XYLB: variants seen among roughly 807,000 people sequenced by gnomAD.
XYLB encodes xylulose kinase.
Under a neutral mutation model 78.7 loss-of-function variants are expected in XYLB, and 62 were observed. The ratio of observed to expected loss-of-function variants is 0.79; its 90% confidence interval spans 0.64 to 0.97. The LOEUF (loss-of-function observed/expected upper bound fraction) is 0.97. Ranked by LOEUF, XYLB falls within the 50% of genes least tolerant of loss-of-function variation. The pLI is 0.00. For missense variants in XYLB, 687 were observed against 676.8 expected (o/e 1.02, Z -0.17); for synonymous variants, 245 against 247.4 (o/e 0.99, Z 0.09).
chr3:38,398,285 T>G (rs1707972899), intron 17 of XYLB, among the ~76,000 whole-genome samples: 1 of 150,952 alleles, frequency 6.6e-6, no homozygotes, highest in Admixed American at 6.6e-5. Context: ...CTGGACAATA[T>G]GGTGAAACCC....
intron 17 of XYLB, among the ~76,000 whole-genome samples, chr3:38,398,969 T>A (rs1342895053): frequency 1.3e-5 from 2 of 151,192 alleles, no homozygotes; most frequent in African/African-American, 4.9e-5. Context: ...GAGGCGGAGG[T>A]TGCAGTGAGC....
At chr3:38,407,685 G>A (rs1575540101) in intron 18 of XYLB, among the ~76,000 whole-genome samples, 1 of 152,214 alleles carries the variant, frequency 6.6e-6, no homozygotes, top group Admixed American at 6.5e-5. Flanking sequence ...AAGGATGGAG[G>A]AAGATCTACC....
chr3:38,367,162 T>G (rs1483884011), intron 7 of XYLB, among the ~76,000 whole-genome samples: 1 of 152,138 alleles, frequency 6.6e-6, no homozygotes, highest in Non-Finnish European at 1.5e-5. Flanking sequence ...GAATGGAAGA[T>G]CTGAGTGTCT....
chr3:38,445,964 T>C, the XYLB span, among the ~76,000 whole-genome samples: 5 of 152,322 alleles, frequency 3.3e-5, no homozygotes, highest in South Asian at 1.0e-3. Context: ...TGGTGGATTC[T>C]TGGTCTTGCT....
intron 3 of XYLB, 51 bp downstream of exon 3, chr3:38,360,459 C>A (rs1284918662): frequency 6.7e-7 from 1 of 1,483,204 alleles, no homozygotes; most frequent in Non-Finnish European, 9.1e-7. Context: ...GTCTCACTGG[C>A]AGACTCGGTG....
intron 10 of XYLB, 57 bp from the exon 11 acceptor site, chr3:38,374,405 T>A: frequency 6.2e-7 from 1 of 1,613,528 alleles, no homozygotes; most frequent in Admixed American, 1.7e-5. Flanking sequence ...CCCTGTGGTT[T>A]GCTTTGTGGT....
the XYLB span, among the ~76,000 whole-genome samples, chr3:38,426,463 A>T: frequency 1.3e-5 from 2 of 152,254 alleles, no homozygotes; most frequent in South Asian, 4.1e-4. Context: ...CAAATATTTC[A>T]ATCTTCTCTG....
intron 6 of XYLB, 29 bp downstream of exon 6, chr3:38,365,765 G>T (rs1254589131): frequency 6.3e-7 from 1 of 1,595,830 alleles, no homozygotes; most frequent in Admixed American, 1.7e-5. Flanking sequence ...GGGTGCAGGG[G>T]GTGGTCTGGT....
At position 38,374,637 on chromosome 3, in the gene XYLB, T is replaced by A. The variant is rs368971886; in HGVS notation, c.888+135T>A. ...TGGGTCCCAGCAGGATCTCTGCTAC[T>A]TATCAGAGTGTCTGCCGGTTCCAAA... On this transcript the variant is annotated intron_variant, in intron 11 of 18. Coordinates refer to ENST00000207870, the MANE Select transcript of XYLB (RefSeq NM_005108.4). The A allele has an allele frequency of 2.0e-5, 21 of 1,050,546 alleles. 1 individual carries two copies. The highest frequency in any genetic ancestry group is 7.7e-5 in the East Asian group (3 of 38,974). The allele number at this position is 1,050,546 out of a possible 1,614,324, so 65.1% of individuals were successfully genotyped here. A position where few individuals can be genotyped will look rare whatever the true frequency, so the allele number is the denominator to read the frequency against.
chr3:38,395,547 A>G lies in XYLB; in HGVS notation c.1334A>G (p.Asn445Ser), dbSNP rs1433382000. Residue 445 changes from asparagine to serine, a missense_variant, in exon 16 of 19, where the codon AAT (asparagine) becomes AGT (serine). Physicochemically the swap from Asn to Ser is conservative, Grantham distance 46. Transcript: ENST00000207870. ...TTGGCCACAGGAGGAGCATCTCACAATAGAGAAATCTTACAGGTAAGCGTT... is the reference window on the plus strand; with the variant it reads ...TTGGCCACAGGAGGAGCATCTCACAGTAGAGAAATCTTACAGGTAAGCGTT... ...KILATGGASHNREILQVLADV... is the reference protein window; with the variant it reads ...KILATGGASHSREILQVLADV... The G allele has an allele frequency of 2.5e-6, 4 of 1,614,200 alleles. No individual in the cohort carries two copies. Among genetic ancestry groups the G allele is most frequent in the South Asian group, 2.2e-5 (2 of 91,088 alleles).
rs530126955 is a variant in XYLB at position 38,348,838 on chromosome 3, T to C, written c.140+206T>C. Among the ~76,000 whole-genome samples the C allele has an allele frequency of 2.6e-5, 4 of 152,350 alleles. No individual in the cohort carries two copies. In the East Asian group the frequency reaches 5.8e-4, roughly 22 times the overall value. Reference sequence around the variant, plus strand: ...TAATTCCATTCATCCATTCATGAAGTAAGCATCAGTTGAGACCTACTTTGT... The same window carrying C: ...TAATTCCATTCATCCATTCATGAAGCAAGCATCAGTTGAGACCTACTTTGT... On this transcript the variant is annotated intron_variant, in intron 2 of 18. Coordinates refer to ENST00000207870, the MANE Select transcript of XYLB (RefSeq NM_005108.4).
chr3:38,445,750 C>A, the XYLB span, among the ~76,000 whole-genome samples: 1 of 152,180 alleles, frequency 6.6e-6, no homozygotes, highest in East Asian at 1.9e-4. Flanking sequence ...GTTAGAGAGC[C>A]CTTTCCCAGA....
the XYLB span, among the ~76,000 whole-genome samples, chr3:38,429,197 T>C: frequency 8.5e-5 from 13 of 152,162 alleles, no homozygotes; most frequent in African/African-American, 3.1e-4. Context: ...AAGGCTATTA[T>C]TGGACTAGCA....
Position 38,376,111 on chromosome 3 carries a change from C to T in XYLB, c.1005-6C>T. On this transcript the variant is annotated splice_polypyrimidine_tract_variant and splice_region_variant and intron_variant, in intron 12 of 18. Coordinates refer to ENST00000207870, the MANE Select transcript of XYLB (RefSeq NM_005108.4). ...CCCTCCCTCAGAGCTATGCCCTCTT[C>T]TGCAGCTTTAAAAATGGCTCCCTCA... 1 of 1,599,274 alleles carries T rather than the reference C, an allele frequency of 6.3e-7. No homozygotes were observed. The highest frequency in any genetic ancestry group is 1.3e-5 in the African/African-American group (1 of 74,656).
chr3:38,378,285 C>T (rs1471805505), intron 14 of XYLB, among the ~76,000 whole-genome samples: 1 of 152,256 alleles, frequency 6.6e-6, no homozygotes, highest in African/African-American at 2.4e-5. Flanking sequence ...TAGTGTTCTT[C>T]ATTCATTCAT....
chr3:38,368,820 A>G (rs1706393748), intron 8 of XYLB, among the ~76,000 whole-genome samples: 1 of 143,292 alleles, frequency 7.0e-6, no homozygotes, highest in Non-Finnish European at 1.5e-5. Flanking sequence ...AGAACCTCAC[A>G]AGGGGTGAAC....
chr3:38,347,752 A>G (rs1705149392), intron 1 of XYLB, among the ~76,000 whole-genome samples: 1 of 152,122 alleles, frequency 6.6e-6, no homozygotes, highest in Admixed American at 6.5e-5. Context: ...CGTTGACACC[A>G]GCTTGCCTGG....
rs116150323 is a variant in XYLB, at chr3:38,348,557, T to G, written c.65T>G (p.Val22Gly). The G allele has an allele frequency of 4.0e-3, 6,436 of 1,614,042 alleles. 26 individuals are homozygous for G. The highest frequency in any genetic ancestry group is 4.9e-3 in the Non-Finnish European group (5,811 of 1,179,974). The change falls in exon 2 of 19, where the codon GTT becomes GGT. Residue 22 changes from valine to glycine, a missense_variant. Coordinates refer to ENST00000207870, the MANE Select transcript of XYLB (RefSeq NM_005108.4). ...GWDFSTQQVK[V>G]VAVDAELNVF... The stretch of plus-strand genomic sequence containing the variant: ...TTTTAAAATGCCTTTCAGGTAAAGG[T>G]TGTTGCTGTTGATGCAGAGTTGAAT...
chr3:38,422,615 C>T (rs769985173), downstream of XYLB, among the ~76,000 whole-genome samples: 39 of 152,042 alleles, frequency 2.6e-4, no homozygotes, highest in Non-Finnish European at 4.3e-4. Flanking sequence ...TTATATTTTG[C>T]ATTGTGAAGG....
Sources: gnomAD v4.1 joint callset for allele counts (sites outside exome capture counted in the v4.1 genomes callset) on GRCh38, gnomAD v4.1.1 for gene constraint, MANE v1.5 for transcripts, NCBI Gene and HGNC (gene_info 2026-07-23, HGNC 2026-07-21) for gene names.